The following ARHGEF37 variants were observed in gnomAD, a reference collection of about 807,000 sequenced individuals.
ARHGEF37 encodes the protein Rho guanine nucleotide exchange factor (GEF) 37.
Under a neutral mutation model 71.1 loss-of-function variants are expected in ARHGEF37, and 55 were observed. That is an observed-to-expected ratio of 0.77 (90% CI 0.62 to 0.97). The LOEUF (loss-of-function observed/expected upper bound fraction) is 0.97, where lower values mean the gene tolerates loss of function less well. Ranked by LOEUF, ARHGEF37 falls within the 50% of genes least tolerant of loss-of-function variation. The pLI is 0.00. For missense variants in ARHGEF37, 765 were observed against 836.8 expected (o/e 0.91, Z 1.06); for synonymous variants, 327 against 350.6 (o/e 0.93, Z 0.75).
chr5:149,616,588 C>A lies in ARHGEF37; in HGVS notation c.480C>A (p.Gly160=). The A allele has an allele frequency of 1.9e-6, 3 of 1,609,556 alleles. No homozygotes were observed. The highest frequency in any genetic ancestry group is 2.5e-6 in the Non-Finnish European group (3 of 1,177,758). ...EAVVPQAGSS[G]LSFLLVIPLQ... Reference sequence around the variant, plus strand: ...TCAGGCCGCAAGCTGGATCTTCAGGCCTCAGTTTCTTGCTGGTAATTCCTC... The same window carrying A: ...TCAGGCCGCAAGCTGGATCTTCAGGACTCAGTTTCTTGCTGGTAATTCCTC... The change falls in exon 5 of 13, where the codon GGC becomes GGA. Residue 160 remains glycine (G), a synonymous_variant. Coordinates refer to ENST00000333677, the MANE Select transcript of ARHGEF37 (RefSeq NM_001001669.3).
At chr5:149,604,433 T>G (rs1348011246) in intron 3 of ARHGEF37, among the ~76,000 whole-genome samples, 1 of 152,198 alleles carries the variant, frequency 6.6e-6, no homozygotes, top group Non-Finnish European at 1.5e-5. Flanking sequence ...CTCTCTCCCC[T>G]GCAACTTTGG....
At chr5:149,623,703 C>T (rs1446225641) in intron 9 of ARHGEF37, among the ~76,000 whole-genome samples, 1 of 152,192 alleles carries the variant, frequency 6.6e-6, no homozygotes, top group Admixed American at 6.5e-5. Flanking sequence ...TGGCCTGTCC[C>T]TGTGGAGCCT....
intron 4 of ARHGEF37, among the ~76,000 whole-genome samples, chr5:149,610,009 G>A (rs1214416437): frequency 6.6e-6 from 1 of 152,210 alleles, no homozygotes; most frequent in Non-Finnish European, 1.5e-5. Flanking sequence ...AGTAACTGTG[G>A]CTTAAGTAAA....
chr5:149,599,727 G>A (rs1356299829), intron 2 of ARHGEF37, among the ~76,000 whole-genome samples: 1 of 152,036 alleles, frequency 6.6e-6, no homozygotes, highest in Non-Finnish European at 1.5e-5. Context: ...TGCTTGCTAC[G>A]TTTCAAGCAT....
At chr5:149,620,281 G>T in intron 7 of ARHGEF37, 73 bp from the exon 8 acceptor site, 1 of 1,115,232 alleles carries the variant, frequency 9.0e-7, no homozygotes, top group African/African-American at 1.6e-5. Flanking sequence ...TTCAAGGTAT[G>T]GTGGAAGGGG....
chr5:149,554,380 C>G (rs1345350398), intron 1 of ARHGEF37, among the ~76,000 whole-genome samples: 1 of 152,114 alleles, frequency 6.6e-6, no homozygotes, highest in Non-Finnish European at 1.5e-5. Flanking sequence ...ATGTCTAATC[C>G]TCCTCGCCTT....
At chr5:149,606,595 G>C (rs1449078385) in intron 3 of ARHGEF37, 2 of 152,108 alleles carry the variant, frequency 1.3e-5, no homozygotes, top group Non-Finnish European at 2.9e-5. Context: ...TCTCAAGTCC[G>C]TCCACCCTCT....
At chr5:149,616,412 A>G (rs772845104) in intron 4 of ARHGEF37, among the ~76,000 whole-genome samples, 155 bp from the exon 5 acceptor site, 3 of 152,172 alleles carry the variant, frequency 2.0e-5, no homozygotes, top group Non-Finnish European at 4.4e-5. Flanking sequence ...TCTAGAACTC[A>G]CAAGTTACAG....
chr5:149,551,733 C>T (rs1012463317), upstream of ARHGEF37, among the ~76,000 whole-genome samples: 6 of 152,262 alleles, frequency 3.9e-5, no homozygotes, highest in Admixed American at 2.6e-4. Context: ...GAGGAGTCAC[C>T]TTCATGTTTC....
intron 3 of ARHGEF37, among the ~76,000 whole-genome samples, chr5:149,603,059 A>T (rs1240742806): frequency 3.3e-5 from 5 of 151,922 alleles, no homozygotes. Flanking sequence ...CAACCTCCTG[A>T]GTAGCTGGGA....
intron 1 of ARHGEF37, among the ~76,000 whole-genome samples, chr5:149,572,592 A>C (rs1162303900): frequency 6.6e-6 from 1 of 152,240 alleles, no homozygotes; most frequent in Non-Finnish European, 1.5e-5. Flanking sequence ...GCTGGGCCTC[A>C]GTGTCCTGAT....
At chr5:149,573,481 C>T (rs1227483695) in intron 1 of ARHGEF37, among the ~76,000 whole-genome samples, 1 of 152,196 alleles carries the variant, frequency 6.6e-6, no homozygotes, top group African/African-American at 2.4e-5. Context: ...GAGCACTTTT[C>T]TTGACCAAAT....
At chr5:149,601,941 T>G (rs1310968861) in intron 3 of ARHGEF37, among the ~76,000 whole-genome samples, 4 of 152,182 alleles carry the variant, frequency 2.6e-5, no homozygotes, top group African/African-American at 9.6e-5. Flanking sequence ...GACCAGATCA[T>G]GCACAGCTTT....
Position 149,592,748 on chromosome 5 carries a change from G to GT in ARHGEF37, c.-11-5003dup, listed in dbSNP as rs752061412. On this transcript the variant is annotated intron_variant, in intron 1 of 12. Transcript: ENST00000333677. ...TGGCTGTACCATTTTACGTTTTCTT[G>GT]TTTTTTTTGGTTTGTTTGTTTTTGT... Among the ~76,000 whole-genome samples the GT allele has an allele frequency of 2.3e-3, 353 of 151,818 alleles. 1 individual carries two copies. Among genetic ancestry groups the GT allele is most frequent in the Non-Finnish European group, 3.2e-3 (217 of 67,888 alleles).
chr5:149,601,901 G>A (rs1763765271), intron 3 of ARHGEF37, among the ~76,000 whole-genome samples: 1 of 152,158 alleles, frequency 6.6e-6, no homozygotes, highest in South Asian at 2.1e-4. Flanking sequence ...AGGGGAGACT[G>A]TTGGGGATAA....
At chr5:149,616,986 A>G (rs1752400782) in intron 5 of ARHGEF37, among the ~76,000 whole-genome samples, 2 of 152,180 alleles carry the variant, frequency 1.3e-5, no homozygotes, top group Non-Finnish European at 2.9e-5. Context: ...CTTCATCTTC[A>G]GGCTGGCTTG....
intron 10 of ARHGEF37, 109 bp from the exon 11 acceptor site, chr5:149,626,967 T>G: frequency 8.3e-7 from 1 of 1,203,602 alleles, no homozygotes; most frequent in Non-Finnish European, 1.2e-6. Flanking sequence ...AGTGGCAGAG[T>G]TAGGATCAGG....
Position 149,632,251 on chromosome 5 carries a change from TG to T in ARHGEF37, c.*66del, listed in dbSNP as rs1383407038. The T allele has an allele frequency of 1.2e-5, 19 of 1,568,642 alleles. No homozygotes were observed. Among genetic ancestry groups the T allele is most frequent in the Middle Eastern group, 2.1e-4 (1 of 4,742 alleles). Reference sequence around the variant, plus strand: ...GGGGGAGGCTTAGAGGCTCTGACCCTGGGGGGAAAAGAAGCAAAGGAAAGGT... The same window carrying T: ...GGGGGAGGCTTAGAGGCTCTGACCCTGGGGGAAAAGAAGCAAAGGAAAGGT... On this transcript the variant is annotated 3_prime_UTR_variant, in exon 13 of 13. Coordinates refer to ENST00000333677, the MANE Select transcript of ARHGEF37 (RefSeq NM_001001669.3).
chr5:149,561,592 T>G (rs1430714579), intron 1 of ARHGEF37, among the ~76,000 whole-genome samples: 2 of 152,214 alleles, frequency 1.3e-5, no homozygotes, highest in African/African-American at 4.8e-5. Flanking sequence ...ATGTTCCATC[T>G]ACTCATTGAA....
Sources: allele counts gnomAD v4.1 joint callset (sites outside exome capture counted in the v4.1 genomes callset), GRCh38; gene constraint gnomAD v4.1.1; transcripts MANE v1.5; gene names NCBI Gene and HGNC (gene_info 2026-07-23, HGNC 2026-07-21).